The following NBDY variants were observed in gnomAD, a reference collection of about 807,000 sequenced individuals.
NBDY encodes P-body dissociating protein.
At chrX:56,730,596 G>A (rs371480767) in intron 1 of NBDY, among the ~76,000 whole-genome samples, 15 of 101,069 alleles carry the variant, frequency 1.5e-4, no homozygotes, top group African/African-American at 5.0e-4. Context: ...CATCTGCCAT[G>A]TGGAGGGGCA....
chrX:56,745,978 C>T (rs1371851387), intron 2 of NBDY, among the ~76,000 whole-genome samples: 3 of 111,554 alleles, frequency 2.7e-5, no homozygotes, highest in Non-Finnish European at 5.7e-5. Flanking sequence ...TTACTTCCCC[C>T]TTAAGAAAGT....
intron 2 of NBDY, among the ~76,000 whole-genome samples, chrX:56,767,413 C>T (rs2069671917): frequency 8.8e-6 from 1 of 113,380 alleles, no homozygotes; most frequent in African/African-American, 3.2e-5. Flanking sequence ...CCCCTCAGCC[C>T]GCCGCTACAC....
At chrX:56,805,884 A>C (rs1395698769) in intron 2 of NBDY, among the ~76,000 whole-genome samples, 2 of 111,189 alleles carry the variant, frequency 1.8e-5, no homozygotes, top group Admixed American at 9.6e-5. Flanking sequence ...GGTTTGTTAC[A>C]TAGATATAGA....
chrX:56,808,984 A>C (rs2069870436), intron 2 of NBDY, among the ~76,000 whole-genome samples: 1 of 112,521 alleles, frequency 8.9e-6, no homozygotes, highest in African/African-American at 3.2e-5. Flanking sequence ...CATTCAAGGA[A>C]CATATTTATT....
intron 2 of NBDY, among the ~76,000 whole-genome samples, chrX:56,811,709 C>T (rs1437741390): frequency 8.9e-6 from 1 of 112,076 alleles, no homozygotes; most frequent in Non-Finnish European, 1.9e-5. Flanking sequence ...GGTTGGGACC[C>T]GCCGAGCCAG....
At chrX:56,809,026 C>A (rs2085986186) in intron 2 of NBDY, among the ~76,000 whole-genome samples, 1 of 112,491 alleles carries the variant, frequency 8.9e-6, no homozygotes, top group Non-Finnish European at 1.9e-5. Context: ...ACGCAGTAGT[C>A]ATTCAGATGC....
chrX:56,789,928 G>A (rs17277503), intron 2 of NBDY, among the ~76,000 whole-genome samples: 62,286 of 110,230 alleles, frequency 0.57, 15,498 homozygotes, highest in Non-Finnish European at 0.77. Context: ...TCTGCGTGTC[G>A]AAATGGAGGT....
rs756415442 is a variant in NBDY at position 56,784,518 on chromosome X, G to C, written c.*167-32802G>C. Among the ~76,000 whole-genome samples the C allele has an allele frequency of 6.2e-5, 7 of 112,057 alleles. No individual in the cohort carries two copies. In the South Asian group the frequency reaches 2.6e-3, roughly 42 times the overall value. ...CATGCGTGCTCACTGGAACGTGGTG[G>C]TTCACCAGTTATTTGCCCCGGCATC... On this transcript the variant is annotated intron_variant, in intron 2 of 2. Transcript: ENST00000374922.
At chrX:56,794,270 G>T (rs374029935) in intron 2 of NBDY, among the ~76,000 whole-genome samples, 2 of 111,935 alleles carry the variant, frequency 1.8e-5, no homozygotes, top group African/African-American at 3.2e-5. Flanking sequence ...AAGTGTTTCC[G>T]CAGCCTGTTG....
chrX:56,798,801 C>T (rs1025194135), intron 2 of NBDY, among the ~76,000 whole-genome samples: 2 of 112,251 alleles, frequency 1.8e-5, no homozygotes, highest in African/African-American at 6.5e-5. Flanking sequence ...CCTACTGGTC[C>T]TTGGTCATTG....
intron 2 of NBDY, among the ~76,000 whole-genome samples, chrX:56,762,629 A>G (rs769905701): frequency 3.0e-4 from 33 of 110,923 alleles, no homozygotes; most frequent in African/African-American, 9.5e-4. Flanking sequence ...CTTGAAGACG[A>G]TCTAATAATG....
intron 2 of NBDY, among the ~76,000 whole-genome samples, chrX:56,767,623 GC>G (rs2069674115): frequency 8.8e-6 from 1 of 113,144 alleles, no homozygotes; most frequent in Non-Finnish European, 1.9e-5. Context: ...GCAGTGAGGG[GC>G]TTAGCAACTG....
chrX:56,752,084 T>G (rs2069588470), intron 2 of NBDY, among the ~76,000 whole-genome samples: 1 of 112,479 alleles, frequency 8.9e-6, no homozygotes, highest in Non-Finnish European at 1.9e-5. Context: ...TGAAACACAT[T>G]TTCTTCATCC....
At chrX:56,737,175 T>C in intron 2 of NBDY, 1 of 652,825 alleles carries the variant, frequency 1.5e-6, no homozygotes, top group Non-Finnish European at 2.6e-6. Flanking sequence ...CAAATAATTC[T>C]TAAAATTGTT....
chrX:56,799,753 A>G (rs1218273468), intron 2 of NBDY, among the ~76,000 whole-genome samples: 1 of 112,393 alleles, frequency 8.9e-6, no homozygotes, highest in African/African-American at 3.2e-5. Context: ...AACAAAACAA[A>G]CACACACAAA....
chrX:56,807,107 A>G (rs2069855491), intron 2 of NBDY, among the ~76,000 whole-genome samples: 1 of 111,943 alleles, frequency 8.9e-6, no homozygotes, highest in African/African-American at 3.3e-5. Context: ...CAGGTTCATC[A>G]AATATTAGGT....
chrX:56,813,500 G>C lies in NBDY; in HGVS notation c.*167-3820G>C, dbSNP rs138123254. On this transcript the variant is annotated intron_variant, in intron 2 of 2. Coordinates refer to ENST00000374922, the MANE Select transcript of NBDY (RefSeq NM_001348129.2). ...GACACACCCACACACGCACTCAGAA[G>C]GGACTCCACACCCCAAAACATAATC... 1.5e-3 allele frequency among the ~76,000 whole-genome samples: 170 copies of C among 110,915 alleles called. 2 individuals are homozygous for C. The East Asian group carries it at 0.04, about 26-fold the overall frequency.
chrX:56,786,784 C>G (rs2069731481), intron 2 of NBDY, among the ~76,000 whole-genome samples: 1 of 110,842 alleles, frequency 9.0e-6, no homozygotes, highest in Admixed American at 9.6e-5. Context: ...ACTGCTTCTT[C>G]TTTTGCTCTT....
At chrX:56,806,517 G>A (rs895744004) in intron 2 of NBDY, among the ~76,000 whole-genome samples, 2 of 111,869 alleles carry the variant, frequency 1.8e-5, no homozygotes, top group African/African-American at 3.2e-5. Context: ...CCATTGTAAC[G>A]GGCATGAAAT....
Sources: allele counts gnomAD v4.1 joint callset (sites outside exome capture counted in the v4.1 genomes callset), GRCh38; gene constraint gnomAD v4.1.1; transcripts MANE v1.5; gene names NCBI Gene and HGNC (gene_info 2026-07-23, HGNC 2026-07-21).